Variants in B3GALT1 observed in about 807,000 individuals in gnomAD.
B3GALT1 encodes the protein beta-1,3-galactosyltransferase 1.
In B3GALT1, 10 loss-of-function variants were observed where a neutral mutation model predicts 23.2. The observed-to-expected ratio is 0.43, with a 90% CI of 0.27 to 0.73. The LOEUF is 0.73. Ranked by LOEUF, B3GALT1 falls within the 30% of genes least tolerant of loss-of-function variation. The probability of loss-of-function intolerance (pLI) is 0.21; values close to 1 mark genes in which losing one functional copy is unlikely to be tolerated. For synonymous variants in B3GALT1, 156 were observed against 141.5 expected (o/e 1.10, Z -0.73); for missense variants, 299 against 405.4 (o/e 0.74, Z 2.25).
chr2:167,649,359 T>C (rs1243235523), intron 3 of B3GALT1, among the ~76,000 whole-genome samples: 2 of 152,102 alleles, frequency 1.3e-5, no homozygotes, highest in Admixed American at 1.3e-4. Flanking sequence ...TAGTAGCATT[T>C]AGTACATTCA....
intron 3 of B3GALT1, among the ~76,000 whole-genome samples, chr2:167,756,982 C>T (rs183116872): frequency 2.4e-4 from 37 of 152,240 alleles, no homozygotes; most frequent in African/African-American, 6.5e-4. Flanking sequence ...CAAGTCCAAA[C>T]GAGTAAATTC....
chr2:167,394,841 C>T (rs1200164851), intron 1 of B3GALT1, among the ~76,000 whole-genome samples: 3 of 152,090 alleles, frequency 2.0e-5, no homozygotes, highest in African/African-American at 4.8e-5. Flanking sequence ...TTACTTAGAG[C>T]CAGGGATTCC....
intron 3 of B3GALT1, among the ~76,000 whole-genome samples, chr2:167,812,697 G>C (rs1688913587): frequency 1.3e-5 from 2 of 151,972 alleles, no homozygotes; most frequent in South Asian, 4.2e-4. Flanking sequence ...CATGTAAAAG[G>C]AAAATAAAAA....
At chr2:167,480,540 A>C (rs1699549461) in intron 1 of B3GALT1, among the ~76,000 whole-genome samples, 1 of 152,142 alleles carries the variant, frequency 6.6e-6, no homozygotes, top group South Asian at 2.1e-4. Context: ...GCTGATTGTC[A>C]ACCCTTAACT....
intron 3 of B3GALT1, among the ~76,000 whole-genome samples, chr2:167,668,238 A>G (rs1004007059): frequency 2.0e-5 from 3 of 150,484 alleles, no homozygotes; most frequent in Admixed American, 6.7e-5. Flanking sequence ...CCCCTGCTGG[A>G]GGGTGCCTCC....
chr2:167,417,507 A>G (rs1698489405), intron 1 of B3GALT1, among the ~76,000 whole-genome samples: 1 of 152,224 alleles, frequency 6.6e-6, no homozygotes, highest in South Asian at 2.1e-4. Context: ...GTTCTGCTAT[A>G]AGCAACAGAA....
chr2:167,476,832 C>G (rs1165900065), intron 1 of B3GALT1, among the ~76,000 whole-genome samples: 1 of 151,862 alleles, frequency 6.6e-6, no homozygotes, highest in African/African-American at 2.4e-5. Context: ...AAGGGGGAGA[C>G]AGCAAAGAAG....
chr2:167,520,755 T>G (rs1253135898), intron 2 of B3GALT1, among the ~76,000 whole-genome samples: 1 of 152,176 alleles, frequency 6.6e-6, no homozygotes, highest in East Asian at 1.9e-4. Context: ...AAGAAATGCG[T>G]TAGGATCTTG....
chr2:167,317,883 T>C (rs1696742843), intron 1 of B3GALT1, among the ~76,000 whole-genome samples: 1 of 152,112 alleles, frequency 6.6e-6, no homozygotes, highest in Non-Finnish European at 1.5e-5. Flanking sequence ...AATTCCAACA[T>C]GAGGGCCTAA....
intron 2 of B3GALT1, among the ~76,000 whole-genome samples, chr2:167,518,926 G>T (rs1700142677): frequency 6.6e-6 from 1 of 152,062 alleles, no homozygotes; most frequent in Non-Finnish European, 1.5e-5. Flanking sequence ...TCCTGTATAA[G>T]GCAATTAGTC....
chr2:167,451,896 CAATGGAGTT>C (rs1188218713), intron 1 of B3GALT1, among the ~76,000 whole-genome samples: 2 of 152,074 alleles, frequency 1.3e-5, no homozygotes, highest in African/African-American at 4.8e-5. Context: ...GTTCTCAGGC[CAATGGAGTT>C]AATGTTTCCA....
chr2:167,586,291 A>G (rs1475315287), intron 2 of B3GALT1, among the ~76,000 whole-genome samples: 1 of 152,090 alleles, frequency 6.6e-6, no homozygotes, highest in East Asian at 1.9e-4. Flanking sequence ...AATAATGAAA[A>G]AAGTCATATT....
chr2:167,365,102 A>G (rs1697567088), intron 1 of B3GALT1, among the ~76,000 whole-genome samples: 1 of 152,160 alleles, frequency 6.6e-6, no homozygotes, highest in South Asian at 2.1e-4. Context: ...GGTCACCAGC[A>G]GACTCCAGAA....
At chr2:167,859,552 A>C (rs1285227718) in intron 4 of B3GALT1, among the ~76,000 whole-genome samples, 1 of 152,078 alleles carries the variant, frequency 6.6e-6, no homozygotes, top group Non-Finnish European at 1.5e-5. Flanking sequence ...CATTCTTCCC[A>C]AGGCAGGGAT....
intron 3 of B3GALT1, among the ~76,000 whole-genome samples, chr2:167,697,351 G>A (rs1686804247): frequency 6.6e-6 from 1 of 152,172 alleles, no homozygotes; most frequent in Non-Finnish European, 1.5e-5. Context: ...TTTCATCCTA[G>A]CATCAAAGCT....
At chr2:167,597,659 G>A (rs1334191442) in intron 2 of B3GALT1, among the ~76,000 whole-genome samples, 1 of 152,176 alleles carries the variant, frequency 6.6e-6, no homozygotes, top group East Asian at 1.9e-4. Flanking sequence ...CCTGACACAT[G>A]AATTAGAATG....
At position 167,869,937 on chromosome 2, in the gene B3GALT1, G is replaced by C. The variant is rs796424256; in HGVS notation, c.898G>C (p.Val300Leu). Residue 300 changes from valine (V) to leucine (L), a missense_variant, in exon 5 of 5, where the codon GTT becomes CTT. Around this residue, in one of 3 missense-constraint regions of B3GALT1, gnomAD observed 133 missense variants for 204.8 expected, o/e 0.65. Transcript: ENST00000392690. This position sits in a 1 kb window ranked among gnomAD's most constrained non-coding sequence, Gnocchi z 6.4. ...CTACAGTTTGTGTAGGTATCGCCGA[G>C]TTATCACTGTGCATCAGATCTCTCC... Reference protein sequence around the residue: ...MAYSLCRYRRVITVHQISPEE... With the variant: ...MAYSLCRYRRLITVHQISPEE... The C allele has an allele frequency of 1.9e-6, 3 of 1,614,048 alleles. No homozygotes were observed. The highest frequency in any genetic ancestry group is 2.5e-6 in the Non-Finnish European group (3 of 1,179,996).
intron 2 of B3GALT1, among the ~76,000 whole-genome samples, chr2:167,571,691 T>C (rs918571416): frequency 6.6e-6 from 1 of 151,866 alleles, no homozygotes; most frequent in African/African-American, 2.4e-5. Context: ...AGGTCAAAAG[T>C]AACTAGCAGT....
In B3GALT1 at chr2:167,437,308, C is replaced by T. The variant is rs1448528132; in HGVS notation, c.-510-52869C>T. 4.6e-5 allele frequency among the ~76,000 whole-genome samples: 7 copies of T among 152,156 alleles called. No individual in the cohort carries two copies. The East Asian group carries it at 1.3e-3, about 29-fold the overall frequency. ...TGTTATTCGCTAGTTTTTGCCTACC[C>T]TATTTTGAGGACAAAGGTATATGCA... On this transcript the variant is annotated intron_variant, in intron 1 of 4. Coordinates refer to ENST00000392690, the MANE Select transcript of B3GALT1 (RefSeq NM_020981.4).
Sources: gnomAD v4.1 joint callset for allele counts (sites outside exome capture counted in the v4.1 genomes callset) on GRCh38, gnomAD v4.1.1 for gene constraint, gnomAD v4.1.1 regional missense constraint, Gnocchi (gnomAD v3.1) non-coding constraint, MANE v1.5 for transcripts, NCBI Gene and HGNC (gene_info 2026-07-23, HGNC 2026-07-21) for gene names.